The following PTPN4 variants were observed in gnomAD, a reference collection of about 807,000 sequenced individuals.
The protein encoded by PTPN4 is protein tyrosine phosphatase non-receptor type 4.
In PTPN4, 49 loss-of-function variants were observed where a neutral mutation model predicts 135.5. The ratio of observed to expected loss-of-function variants is 0.36; its 90% confidence interval spans 0.29 to 0.46. The LOEUF is 0.46. PTPN4 is among the 20% of genes least tolerant of loss of function. PTPN4 has a pLI of 1.00. For missense variants in PTPN4, 860 were observed against 1,101.0 expected, an observed-to-expected ratio of 0.78 and a Z score of 3.10; for synonymous variants, 333 against 369.9, an observed-to-expected ratio of 0.90 and a Z score of 1.14.
At chr2:119,918,968 A>G (rs1204173890) in intron 11 of PTPN4, among the ~76,000 whole-genome samples, 6 of 152,268 alleles carry the variant, frequency 3.9e-5, no homozygotes, top group Non-Finnish European at 8.8e-5. Context: ...CCAGACCTAA[A>G]GACACATATG....
At chr2:119,813,102 G>A (rs1279384807) in intron 2 of PTPN4, among the ~76,000 whole-genome samples, 1 of 152,098 alleles carries the variant, frequency 6.6e-6, no homozygotes, top group Non-Finnish European at 1.5e-5. Context: ...GTCCTCGGCT[G>A]GAAGACTCAA....
intron 19 of PTPN4, 95 bp downstream of exon 19, chr2:119,952,224 A>C: frequency 1.6e-6 from 2 of 1,220,516 alleles, no homozygotes; most frequent in Non-Finnish European, 2.3e-6. Context: ...AACATAAGTC[A>C]CCTAAGTTTC....
chr2:119,894,773 T>A (rs1271309544), intron 9 of PTPN4, among the ~76,000 whole-genome samples: 1 of 152,166 alleles, frequency 6.6e-6, no homozygotes, highest in African/African-American at 2.4e-5. Context: ...GGCATACAGA[T>A]GTAATAAACA....
chr2:119,983,088 ACT>A lies in PTPN4; in HGVS notation c.*6021_*6022del, dbSNP rs1400039899. 6.6e-6 allele frequency: 1 copy of A among 152,004 alleles called. No homozygotes were observed. Among genetic ancestry groups the A allele is most frequent in the African/African-American group, 2.4e-5 (1 of 41,370 alleles). 9.4% of individuals were successfully genotyped at this position (152,004 alleles called of 1,614,324 possible). ...CAACTTTTTAAAAATCACTAATTTAACTCTTTGTTAAGTACTCAAGTACAAAG... is the reference window on the plus strand; with the variant it reads ...CAACTTTTTAAAAATCACTAATTTAACTTTGTTAAGTACTCAAGTACAAAG... On this transcript the variant is annotated 3_prime_UTR_variant, in exon 27 of 27. Coordinates refer to ENST00000263708, the MANE Select transcript of PTPN4 (RefSeq NM_002830.4).
chr2:119,823,582 T>G (rs1677103127), intron 2 of PTPN4, among the ~76,000 whole-genome samples: 1 of 152,240 alleles, frequency 6.6e-6, no homozygotes, highest in South Asian at 2.1e-4. Context: ...TATTGTCTTT[T>G]GTATCTTTTC....
At chr2:119,774,543 A>G (rs1248915281) in intron 1 of PTPN4, among the ~76,000 whole-genome samples, 1 of 152,230 alleles carries the variant, frequency 6.6e-6, no homozygotes, top group Non-Finnish European at 1.5e-5. Context: ...AGACTCTAAT[A>G]TGATTTGAGT....
intron 12 of PTPN4, among the ~76,000 whole-genome samples, chr2:119,924,889 G>C (rs1021629766): frequency 3.3e-5 from 5 of 152,182 alleles, no homozygotes; most frequent in Middle Eastern, 3.4e-3. Context: ...GAGGAAATTA[G>C]TTACATGGTT....
rs1243874036 is a variant in PTPN4 at position 119,978,689 on chromosome 2, G to T, written c.*1619G>T. 6.6e-6 allele frequency: 1 copy of T among 152,034 alleles called. No homozygotes were observed. The highest frequency in any genetic ancestry group is 1.5e-5 in the Non-Finnish European group (1 of 67,928). 9.4% of individuals were successfully genotyped at this position (152,034 alleles called of 1,614,324 possible). Reference sequence around the variant, plus strand: ...TTATTTTACACAATTATTTTATGTGGATTGGGGTTTTAAAAGATTCATTTC... The same window carrying T: ...TTATTTTACACAATTATTTTATGTGTATTGGGGTTTTAAAAGATTCATTTC... On this transcript the variant is annotated 3_prime_UTR_variant, in exon 27 of 27. Coordinates refer to ENST00000263708, the MANE Select transcript of PTPN4 (RefSeq NM_002830.4).
chr2:119,825,152 A>G (rs564631958), intron 2 of PTPN4, among the ~76,000 whole-genome samples: 1 of 152,302 alleles, frequency 6.6e-6, no homozygotes, highest in Admixed American at 6.5e-5. Flanking sequence ...CCATCTATCA[A>G]CTTGCTTAAC....
chr2:119,858,557 G>A (rs1343734445), intron 2 of PTPN4, among the ~76,000 whole-genome samples: 1 of 152,122 alleles, frequency 6.6e-6, no homozygotes, highest in Non-Finnish European at 1.5e-5. Flanking sequence ...AAATACTGGA[G>A]TGAAATGAAT....
intron 26 of PTPN4, among the ~76,000 whole-genome samples, chr2:119,973,667 T>TTTG (rs1558779527): frequency 7.2e-6 from 1 of 138,120 alleles, no homozygotes; most frequent in Non-Finnish European, 1.5e-5. Context: ...TTTTTTTTTT[T>TTTG]TTTTTTTTTT....
intron 9 of PTPN4, among the ~76,000 whole-genome samples, chr2:119,887,686 T>C (rs1678179881): frequency 6.6e-6 from 1 of 152,220 alleles, no homozygotes; most frequent in South Asian, 2.1e-4. Context: ...CAGTTGGCTG[T>C]AAATATTTGG....
In PTPN4 at chr2:119,952,091, G is replaced by C. The variant is rs549949257; in HGVS notation, c.1775G>C (p.Arg592Thr). The change falls in exon 19 of 27, where the codon AGA becomes ACA. Residue 592 changes from arginine (R) to threonine (T), a missense_variant. Arg to Thr is a moderately conservative substitution (Grantham distance 71). Transcript: ENST00000263708. ...CTGTTTATTAAAGCTAGTTGTGAGA[G>C]ACATTCTGGGGAACTCATGCTTCTA... The part of the protein sequence containing the change: ...VVLFIKASCE[R>T]HSGELMLLVR... 17 of 1,613,220 alleles carry C rather than the reference G, an allele frequency of 1.1e-5. No individual in the cohort carries two copies. The South Asian group carries it at 1.6e-4, about 16-fold the overall frequency.
chr2:119,823,396 G>A (rs768259102), intron 2 of PTPN4, among the ~76,000 whole-genome samples: 7 of 151,888 alleles, frequency 4.6e-5, no homozygotes, highest in South Asian at 2.1e-4. Context: ...CACCACGCCC[G>A]GCTAATTTTT....
At chr2:119,769,923 G>T (rs1414842967) in intron 1 of PTPN4, among the ~76,000 whole-genome samples, 1 of 152,104 alleles carries the variant, frequency 6.6e-6, no homozygotes, top group South Asian at 2.1e-4. Flanking sequence ...AGTTAAATTT[G>T]TATCTTGTGT....
chr2:119,860,840 A>C (rs1200916907), intron 2 of PTPN4, among the ~76,000 whole-genome samples: 1 of 152,120 alleles, frequency 6.6e-6, no homozygotes, highest in African/African-American at 2.4e-5. Context: ...CAGGAGTTCG[A>C]GACTAGCCTG....
chr2:119,915,249 A>T lies in PTPN4; in HGVS notation c.828+7A>T, dbSNP rs2105025336. On this transcript the variant is annotated splice_region_variant and intron_variant, in intron 11 of 26. Transcript: ENST00000263708. ...TCAACTTAGAAAAGAATTGGTGAGTACGGATTTAATAATTATTGACATAAA... is the reference window on the plus strand; with the variant it reads ...TCAACTTAGAAAAGAATTGGTGAGTTCGGATTTAATAATTATTGACATAAA... 1 of 1,513,104 alleles carries T rather than the reference A, an allele frequency of 6.6e-7. No individual in the cohort carries two copies. Among genetic ancestry groups the T allele is most frequent in the Non-Finnish European group, 8.8e-7 (1 of 1,130,102 alleles). 93.7% of individuals were successfully genotyped at this position (1,513,104 alleles called of 1,614,324 possible).
At chr2:119,952,923 T>TA (rs1056665464) in intron 19 of PTPN4, among the ~76,000 whole-genome samples, 5 of 152,202 alleles carry the variant, frequency 3.3e-5, no homozygotes, top group African/African-American at 1.2e-4. Flanking sequence ...TAAATTGAAC[T>TA]AAAAGTCCAT....
At chr2:119,761,285 A>G (rs1690488108) in intron 1 of PTPN4, among the ~76,000 whole-genome samples, 1 of 152,194 alleles carries the variant, frequency 6.6e-6, no homozygotes, top group Non-Finnish European at 1.5e-5. Context: ...GAAGACTGGA[A>G]CAGTAAAAGC....
Sources: allele counts gnomAD v4.1 joint callset (sites outside exome capture counted in the v4.1 genomes callset), GRCh38; gene constraint gnomAD v4.1.1; transcripts MANE v1.5; gene names NCBI Gene and HGNC (gene_info 2026-07-23, HGNC 2026-07-21).